HTT: variants seen among roughly 807,000 people sequenced by gnomAD.
HTT encodes the protein huntington disease protein.
HTT carries 104 observed loss-of-function variants against 362.3 expected under a neutral mutation model. That is an observed-to-expected ratio of 0.29 (90% CI 0.24 to 0.34). The LOEUF (loss-of-function observed/expected upper bound fraction) is 0.34. Ranked by LOEUF, HTT falls within the 10% of genes least tolerant of loss-of-function variation. HTT has a pLI of 1.00. For synonymous variants in HTT, 1,577 were observed against 1,548.7 expected (o/e 1.02, Z -0.43); for missense variants, 3,301 against 3,928.6 (o/e 0.84, Z 4.27).
At chr4:3,233,655 C>G (rs112098985) in intron 61 of HTT, among the ~76,000 whole-genome samples, 1 of 152,370 alleles carries the variant, frequency 6.6e-6, no homozygotes, top group African/African-American at 2.4e-5. Context: ...GGCTCTCATT[C>G]TCTGCTCCCA....
intron 26 of HTT, among the ~76,000 whole-genome samples, chr4:3,152,222 C>T (rs1716930695): frequency 6.6e-6 from 1 of 152,038 alleles, no homozygotes; most frequent in South Asian, 2.1e-4. Flanking sequence ...CCTCAGCCTC[C>T]CGAGTAGTTG....
At chr4:3,202,278 TGGG>T (rs1300813884) in intron 41 of HTT, among the ~76,000 whole-genome samples, 1 of 152,046 alleles carries the variant, frequency 6.6e-6, no homozygotes, top group Non-Finnish European at 1.5e-5. Flanking sequence ...GCCTGAGATT[TGGG>T]GGGGCTTGTG....
At position 3,213,942 on chromosome 4, in the gene HTT, C is replaced by T. The variant is rs376150131; in HGVS notation, c.6775-16C>T. ...GTACACGAGTGGGCATTCTGTGACT[C>T]GGTACTTCCCTTTAGGCCCTGTCCT... On this transcript the variant is annotated splice_polypyrimidine_tract_variant and intron_variant, in intron 49 of 66. Transcript: ENST00000355072. 8.4e-4 allele frequency: 1,268 copies of T among 1,511,056 alleles called. 3 individuals are homozygous for T. The highest frequency in any genetic ancestry group is 7.3e-4 in the Non-Finnish European group (815 of 1,120,172). The allele number at this position is 1,511,056 out of a possible 1,614,324, so 93.6% of individuals were successfully genotyped here.
At chr4:3,075,579 G>A (rs1289638428) in intron 1 of HTT, among the ~76,000 whole-genome samples, 1 of 150,796 alleles carries the variant, frequency 6.6e-6, no homozygotes. Flanking sequence ...GCGGGGTTTG[G>A]AGCTGGAGAG....
At chr4:3,140,260 C>CAA (rs754479930) in intron 21 of HTT, among the ~76,000 whole-genome samples, 4 of 83,072 alleles carry the variant, frequency 4.8e-5, no homozygotes, top group Non-Finnish European at 7.5e-5. Flanking sequence ...CATTCTGTCT[C>CAA]AAAAAAAAAA....
At chr4:3,128,995 T>A (rs1386335087) in intron 12 of HTT, 1 of 152,260 alleles carries the variant, frequency 6.6e-6, no homozygotes, top group Non-Finnish European at 1.5e-5. Flanking sequence ...TTGACTACTT[T>A]GGGTTCTCAT....
chr4:3,169,001 C>CCTTTCTTTCTTT (rs1290014049), intron 29 of HTT, among the ~76,000 whole-genome samples: 1 of 138,374 alleles, frequency 7.2e-6, no homozygotes, highest in African/African-American at 3.2e-5. Flanking sequence ...AAATTTTAGG[C>CCTTTCTTTCTTT]CATTCTTTCT....
intron 41 of HTT, among the ~76,000 whole-genome samples, chr4:3,201,219 A>G (rs1481413742): frequency 1.3e-5 from 2 of 152,122 alleles, no homozygotes; most frequent in African/African-American, 2.4e-5. Context: ...TGTTCCTTCT[A>G]TTATCCTGAA....
chr4:3,104,199 C>T (rs1158823470), intron 4 of HTT, among the ~76,000 whole-genome samples: 1 of 151,922 alleles, frequency 6.6e-6, no homozygotes, highest in Non-Finnish European at 1.5e-5. Context: ...CCGGGTTCAA[C>T]CGAACTTTGG....
intron 60 of HTT, among the ~76,000 whole-genome samples, chr4:3,232,337 C>T (rs945356929): frequency 6.6e-6 from 1 of 152,190 alleles, no homozygotes; most frequent in Non-Finnish European, 1.5e-5. Flanking sequence ...AAACAAGAGG[C>T]CGCCTGGCCA....
chr4:3,205,560 A>C (rs1719815922), intron 42 of HTT, among the ~76,000 whole-genome samples: 1 of 152,232 alleles, frequency 6.6e-6, no homozygotes, highest in African/African-American at 2.4e-5. Context: ...AAGTTAATAA[A>C]GTTTGATCAT....
chr4:3,093,904 G>GGTTTTT (rs1713660124), intron 2 of HTT, among the ~76,000 whole-genome samples: 1 of 41,334 alleles, frequency 2.4e-5, no homozygotes, highest in African/African-American at 7.8e-5. Flanking sequence ...CCTTTAAGTT[G>GGTTTTT]GTTTTTTTTT....
chr4:3,109,069 AT>A (rs199585288), intron 6 of HTT, among the ~76,000 whole-genome samples: 44,285 of 138,492 alleles, frequency 0.32, 6,684 homozygotes, highest in East Asian at 0.4. Context: ...AAAAAAAAAT[AT>A]ATATATATAT....
At chr4:3,128,029 C>T (rs1340811800) in intron 12 of HTT, among the ~76,000 whole-genome samples, 1 of 152,022 alleles carries the variant, frequency 6.6e-6, no homozygotes, top group South Asian at 2.1e-4. Context: ...GCCTCCCAGG[C>T]TCGAGCGATT....
chr4:3,160,531 C>G, intron 29 of HTT, 139 bp downstream of exon 29: 2 of 660,022 alleles, frequency 3.0e-6, no homozygotes, highest in East Asian at 2.7e-5. Flanking sequence ...GCTTGCGTCA[C>G]AGGACCCAAG....
At chr4:3,145,294 G>A (rs1421238866) in intron 24 of HTT, 66 bp downstream of exon 24, 1 of 1,110,442 alleles carries the variant, frequency 9.0e-7, no homozygotes, top group Admixed American at 1.8e-5. Flanking sequence ...ATAGTTATTA[G>A]GATGCCCTTT....
intron 66 of HTT, among the ~76,000 whole-genome samples, 195 bp downstream of exon 66, chr4:3,239,173 C>A (rs542734435): frequency 6.6e-6 from 1 of 152,274 alleles, no homozygotes; most frequent in East Asian, 1.9e-4. Context: ...CTGACCAGGG[C>A]CTCTCAGAGG....
At chr4:3,148,532 T>C (rs1398347632) in intron 26 of HTT, among the ~76,000 whole-genome samples, 1 of 152,112 alleles carries the variant, frequency 6.6e-6, no homozygotes, top group Non-Finnish European at 1.5e-5. Flanking sequence ...GCGTGGTGGC[T>C]CAAGCCTGTA....
At chr4:3,094,695 G>C (rs913940215) in intron 2 of HTT, among the ~76,000 whole-genome samples, 1 of 118,746 alleles carries the variant, frequency 8.4e-6, no homozygotes, top group African/African-American at 4.4e-5. Flanking sequence ...GGACGGGGCG[G>C]CTGGCCGGGC....
Sources: allele counts gnomAD v4.1 joint callset (sites outside exome capture counted in the v4.1 genomes callset), GRCh38; gene constraint gnomAD v4.1.1; transcripts MANE v1.5; gene names NCBI Gene and HGNC (gene_info 2026-07-23, HGNC 2026-07-21).